Variants in NBPF9 observed in about 807,000 individuals in gnomAD.
NBPF9 encodes NBPF family member NBPF9.
NBPF9 carries 91 observed loss-of-function variants against 97.8 expected under a neutral mutation model. The ratio of observed to expected loss-of-function variants is 0.93; its 90% CI spans 0.79 to 1.11. NBPF9 has a LOEUF of 1.11. NBPF9 is among the 50% of genes least tolerant of loss of function. NBPF9 has a pLI of 0.00. For missense variants in NBPF9, 992 were observed against 939.5 expected (o/e 1.06, Z -0.73); for synonymous variants, 334 against 359.5 (o/e 0.93, Z 0.80).
At chr1:149,064,731 A>T in intron 18 of NBPF9, 1 of 618,222 alleles carries the variant, frequency 1.6e-6, no homozygotes, top group African/African-American at 1.9e-5. Flanking sequence ...TCCTAGGTTT[A>T]TGTACACAAA....
intron 11 of NBPF9, among the ~76,000 whole-genome samples, chr1:149,076,501 C>T (rs1192406446): frequency 8.3e-5 from 12 of 144,866 alleles, no homozygotes; most frequent in Admixed American, 1.4e-4. Flanking sequence ...TGGTCAGAGA[C>T]TTTATTTTTT....
chr1:149,082,294 T>A, exon 6 of NBPF9: 1 of 1,556,518 alleles, frequency 6.4e-7, no homozygotes, highest in Non-Finnish European at 8.7e-7. Flanking sequence ...AAAAATGTGA[T>A]CACTCCCACA....
At chr1:149,082,097 T>C in exon 7 of NBPF9, 2 of 1,610,784 alleles carry the variant, frequency 1.2e-6, no homozygotes, top group Non-Finnish European at 1.7e-6. Context: ...AGAATGTTCA[T>C]CTCTGCCTTC....
chr1:149,072,722 G>A, exon 14 of NBPF9: 1 of 1,611,670 alleles, frequency 6.2e-7, no homozygotes, highest in Non-Finnish European at 8.5e-7. Context: ...CCTTACCTGG[G>A]CTGAGCTTTT....
chr1:149,093,554 C>T (rs1228144995), intron 4 of NBPF9, among the ~76,000 whole-genome samples: 26 of 136,768 alleles, frequency 1.9e-4, no homozygotes, highest in Non-Finnish European at 3.0e-4. Context: ...TGCAGTCTTC[C>T]GCAGTGTAGT....
At chr1:149,095,623 C>CAAAAAAA (rs373341524) in intron 4 of NBPF9, among the ~76,000 whole-genome samples, 1 of 101,234 alleles carries the variant, frequency 9.9e-6, no homozygotes, top group African/African-American at 3.8e-5. Flanking sequence ...CAACACAAAG[C>CAAAAAAA]AAAAAAAAAA....
At chr1:149,103,229 C>G (rs1456273180) in intron 1 of NBPF9, 72 bp downstream of exon 1, 1 of 150,852 alleles carries the variant, frequency 6.6e-6, no homozygotes, top group African/African-American at 2.4e-5. Flanking sequence ...TTGCGACAGC[C>G]GCAGCTCGAC....
At chr1:149,100,996 G>A (rs1445845805) in intron 3 of NBPF9, among the ~76,000 whole-genome samples, 1 of 151,150 alleles carries the variant, frequency 6.6e-6, no homozygotes, top group Non-Finnish European at 1.5e-5. Context: ...ACAGAAAAAT[G>A]TGTTCATACT....
intron 20 of NBPF9, among the ~76,000 whole-genome samples, chr1:149,063,243 AG>A (rs1488580117): frequency 1.6e-5 from 2 of 124,676 alleles, no homozygotes; most frequent in Admixed American, 8.1e-5. Flanking sequence ...TGCACTATTC[AG>A]CCCTGTCTCA....
At chr1:149,057,778 G>A (rs1475415244) in intron 27 of NBPF9, among the ~76,000 whole-genome samples, 6 of 93,578 alleles carry the variant, frequency 6.4e-5, no homozygotes, top group African/African-American at 1.2e-4. Flanking sequence ...GAGAGAGAAC[G>A]AGCTCAGTGA....
In NBPF9 at chr1:149,064,324, T is replaced by A. The variant is rs1553651090; in HGVS notation, c.1853+107A>T. Reference sequence around the variant, plus strand: ...GCAATGTAGTAGGCATAATTCATACTTGTCTGACAAGACAAAATCATTATT... The same window carrying A: ...GCAATGTAGTAGGCATAATTCATACATGTCTGACAAGACAAAATCATTATT... On this transcript the variant is annotated intron_variant, in intron 19 of 29. Transcript: ENST00000584027. 7 of 777,836 alleles carry A rather than the reference T, an allele frequency of 9.0e-6. 2 individuals carry two copies. The South Asian group carries it at 9.2e-5, about 10-fold the overall frequency. 48.2% of individuals were successfully genotyped at this position (777,836 alleles called of 1,614,324 possible). A position where few individuals can be genotyped will look rare whatever the true frequency, so the allele number is the denominator to read the frequency against.
At chr1:149,101,767 C>T (rs1553245275) in intron 2 of NBPF9, among the ~76,000 whole-genome samples, 1 of 152,090 alleles carries the variant, frequency 6.6e-6, no homozygotes, top group African/African-American at 2.4e-5. Context: ...AATGGTACAA[C>T]CACTTTGGGA....
At chr1:149,094,135 CCA>C (rs1553660918) in intron 4 of NBPF9, among the ~76,000 whole-genome samples, 1 of 152,066 alleles carries the variant, frequency 6.6e-6, no homozygotes, top group Admixed American at 6.5e-5. Context: ...AACTCCATCT[CCA>C]AAAGAAAAGA....
At chr1:149,090,634 C>T (rs4086712) in intron 5 of NBPF9, 119 bp downstream of exon 5, 236 of 616,888 alleles carry the variant, frequency 3.8e-4, no homozygotes, top group African/African-American at 3.0e-4. Context: ...TAAAGTGATA[C>T]GAAGAAAACT....
intron 3 of NBPF9, among the ~76,000 whole-genome samples, chr1:149,100,657 G>T (rs1465425063): frequency 1.3e-5 from 2 of 152,198 alleles, no homozygotes; most frequent in African/African-American, 4.8e-5. Flanking sequence ...ATCACAGCCG[G>T]GTGGGGTGGC....
At chr1:149,101,056 T>C (rs1362862833) in intron 3 of NBPF9, among the ~76,000 whole-genome samples, 1 of 150,914 alleles carries the variant, frequency 6.6e-6, no homozygotes, top group Non-Finnish European at 1.5e-5. Flanking sequence ...GCAGTAACCA[T>C]AAAGGAAAAG....
rs1306818270 is a variant in NBPF9 at position 149,061,335 on chromosome 1, G to C, written c.2300C>G (p.Pro767Arg). 3 of 408,806 alleles carry C rather than the reference G, an allele frequency of 7.3e-6. 1 individual carries two copies. In the African/African-American group the frequency reaches 9.3e-5, roughly 13 times the overall value. The allele number at this position is 408,806 out of a possible 1,614,324, so 25.3% of individuals were successfully genotyped here. A position where few individuals can be genotyped will look rare whatever the true frequency, so the allele number is the denominator to read the frequency against. The change falls in exon 23 of 30, where the codon CCC (proline) becomes CGC (arginine). Residue 767 changes from proline (P) to arginine (R), a missense_variant. Pro to Arg is a moderately radical substitution (Grantham distance 103). Around this residue, in one of 11 missense-constraint regions of NBPF9, gnomAD observed 397 missense variants for 213.6 expected, o/e 1.86. Coordinates refer to ENST00000584027, the Ensembl canonical transcript of NBPF9. ...CTGTTCACAATTGCTCAGTTACCTG[G>C]GGCATGGTGGGCCTTGGTCTTCTTC...
intron 16 of NBPF9, 88 bp downstream of exon 16, chr1:149,070,846 A>C (rs1553652743): frequency 7.3e-7 from 1 of 1,378,092 alleles, no homozygotes. Context: ...TTTTTATTCA[A>C]ATGAATTTGT....
exon 30 of NBPF9, chr1:149,055,352 C>T: frequency 1.7e-6 from 1 of 580,226 alleles, no homozygotes; most frequent in Non-Finnish European, 2.9e-6. Context: ...GACATGTCTG[C>T]AAAATGAAAT....
Sources: allele counts gnomAD v4.1 joint callset (sites outside exome capture counted in the v4.1 genomes callset), GRCh38; gene constraint gnomAD v4.1.1; regional missense constraint gnomAD v4.1.1; transcripts MANE v1.5; gene names NCBI Gene and HGNC (gene_info 2026-07-23, HGNC 2026-07-21).